ALOX5AP: variants seen among roughly 807,000 people sequenced by gnomAD.
ALOX5AP encodes the protein arachidonate 5-lipoxygenase-activating protein.
A neutral mutation model predicts 18.5 loss-of-function variants in ALOX5AP; 9 were observed. That is an observed-to-expected ratio of 0.49 (90% CI 0.29 to 0.85). ALOX5AP has a LOEUF of 0.85. Among genes scored for constraint, ALOX5AP ranks in the 40% least tolerant of loss-of-function variants. ALOX5AP has a pLI of 0.08. For missense variants in ALOX5AP, 172 were observed against 202.5 expected (o/e 0.85, Z 0.91); for synonymous variants, 81 against 78.6 (o/e 1.03, Z -0.16).
At chr13:30,736,537 T>C (rs2137803203) in intron 1 of ALOX5AP, among the ~76,000 whole-genome samples, 1 of 152,340 alleles carries the variant, frequency 6.6e-6, no homozygotes, top group South Asian at 2.1e-4. Flanking sequence ...GGGCAGCTGC[T>C]GTAGCTTTAT....
At chr13:30,751,884 T>C (rs753253511) in intron 2 of ALOX5AP, among the ~76,000 whole-genome samples, 168 bp from the exon 3 acceptor site, 1 of 152,258 alleles carries the variant, frequency 6.6e-6, no homozygotes, top group Non-Finnish European at 1.5e-5. Context: ...GTTTCCCAGG[T>C]GGCAGCTGGC....
chr13:30,764,197 A>G lies in ALOX5AP; in HGVS notation c.*91A>G. On this transcript the variant is annotated 3_prime_UTR_variant, in exon 5 of 5. Coordinates refer to ENST00000380490, the MANE Select transcript of ALOX5AP (RefSeq NM_001629.4). Reference sequence around the variant, plus strand: ...TCTTGAGAGCATTCTGCTCTTCTTTAGATGGCTGTAAATCTATTGGCCATC... The same window carrying G: ...TCTTGAGAGCATTCTGCTCTTCTTTGGATGGCTGTAAATCTATTGGCCATC... 7.2e-7 allele frequency: 1 copy of G among 1,387,604 alleles called. No homozygotes were observed. The highest frequency in any genetic ancestry group is 9.8e-7 in the Non-Finnish European group (1 of 1,024,618). The allele number at this position is 1,387,604 out of a possible 1,614,324, so 86.0% of individuals were successfully genotyped here.
In ALOX5AP at chr13:30,740,654, GT is replaced by G. The variant is rs1951755648; in HGVS notation, c.71-3405del. On this transcript the variant is annotated intron_variant, in intron 1 of 4. Coordinates refer to ENST00000380490, the MANE Select transcript of ALOX5AP (RefSeq NM_001629.4). ...AAGTTTAGCTTAGAAGGAAGGAGCG[GT>G]AAACCCTAGTTGAATGTTGGACTGA... is the stretch of plus-strand genomic sequence containing the variant. 2.6e-5 allele frequency among the ~76,000 whole-genome samples: 4 copies of G among 152,326 alleles called. No individual in the cohort carries two copies. The South Asian group carries it at 8.3e-4, about 32-fold the overall frequency.
intron 1 of ALOX5AP, among the ~76,000 whole-genome samples, chr13:30,738,740 A>C (rs1469809484): frequency 6.6e-6 from 1 of 152,166 alleles, no homozygotes; most frequent in Non-Finnish European, 1.5e-5. Flanking sequence ...CAGAGGAAGG[A>C]TGTCCTCCCG....
At chr13:30,758,100 G>T (rs1386017922) in intron 4 of ALOX5AP, among the ~76,000 whole-genome samples, 1 of 152,126 alleles carries the variant, frequency 6.6e-6, no homozygotes, top group Non-Finnish European at 1.5e-5. Flanking sequence ...CACAGATACT[G>T]CTTAACACAA....
chr13:30,727,389 G>A (rs1056273021), intron 1 of ALOX5AP, among the ~76,000 whole-genome samples: 20 of 152,118 alleles, frequency 1.3e-4, no homozygotes, highest in African/African-American at 3.4e-4. Context: ...TAAGAGGTGC[G>A]AATGGATGTT....
intron 2 of ALOX5AP, 136 bp downstream of exon 2, chr13:30,744,295 G>A: frequency 1.4e-6 from 1 of 712,674 alleles, no homozygotes; most frequent in Non-Finnish European, 2.4e-6. Context: ...AGGAAGGTTG[G>A]ACTTCACCAG....
At chr13:30,714,130 G>A (rs1951530535) in intron 1 of ALOX5AP, among the ~76,000 whole-genome samples, 1 of 151,042 alleles carries the variant, frequency 6.6e-6, no homozygotes, top group African/African-American at 2.4e-5. Context: ...TACCCCTGGA[G>A]GTAACTCCTA....
At chr13:30,753,974 TCATGCCTGTAATCC>T (rs1179740851) in intron 3 of ALOX5AP, among the ~76,000 whole-genome samples, 5 of 152,202 alleles carry the variant, frequency 3.3e-5, no homozygotes, top group African/African-American at 1.2e-4. Context: ...GCACAGTGGC[TCATGCCTGTAATCC>T]CAGCACTTTG....
chr13:30,735,647 C>G lies in ALOX5AP; in HGVS notation c.42C>G (p.Ile14Met), dbSNP rs11542984. 2.5e-6 allele frequency: 4 copies of G among 1,614,124 alleles called. No homozygotes were observed. In the South Asian group the frequency reaches 4.4e-5, roughly 18 times the overall value. Reference protein sequence around the residue: ...ETVGNVVLLAIVTLISVVQNG... With the variant: ...ETVGNVVLLAMVTLISVVQNG... The stretch of plus-strand genomic sequence containing the variant: ...TAGGCAATGTTGTCCTGTTGGCCAT[C>G]GTCACCCTCATCAGCGTGGTCCAGA... The change falls in exon 1 of 5, where the codon ATC becomes ATG. Residue 14 changes from isoleucine (I) to methionine (M), a missense_variant. Ile to Met is a conservative substitution (Grantham distance 10, BLOSUM62 1). Coordinates refer to ENST00000380490, the MANE Select transcript of ALOX5AP (RefSeq NM_001629.4).
chr13:30,751,021 G>T (rs1187075941), intron 2 of ALOX5AP, among the ~76,000 whole-genome samples: 1 of 152,176 alleles, frequency 6.6e-6, no homozygotes, highest in African/African-American at 2.4e-5. Flanking sequence ...ATAGCCCTTT[G>T]AGATTTATTT....
chr13:30,761,120 G>A (rs543951741), intron 4 of ALOX5AP, among the ~76,000 whole-genome samples: 2 of 152,150 alleles, frequency 1.3e-5, no homozygotes, highest in Admixed American at 6.5e-5. Context: ...GAGACTTAAA[G>A]GTGCAGCTAA....
chr13:30,761,339 C>T (rs1035665333), intron 4 of ALOX5AP, among the ~76,000 whole-genome samples: 1 of 152,240 alleles, frequency 6.6e-6, no homozygotes, highest in Non-Finnish European at 1.5e-5. Context: ...GCTGCCATTT[C>T]ATTTTTCACT....
chr13:30,764,149 C>A lies in ALOX5AP; in HGVS notation c.*43C>A. 1.3e-6 allele frequency: 2 copies of A among 1,574,096 alleles called. No individual in the cohort carries two copies. Among genetic ancestry groups the A allele is most frequent in the Middle Eastern group, 1.7e-4 (1 of 5,904 alleles). The stretch of plus-strand genomic sequence containing the variant: ...GGTTGGTGTTCTCATCTAATCAATA[C>A]CTACAAGTCATCATAATTCAGCTCT... On this transcript the variant is annotated 3_prime_UTR_variant, in exon 5 of 5. Coordinates refer to ENST00000380490, the MANE Select transcript of ALOX5AP (RefSeq NM_001629.4).
upstream of ALOX5AP, among the ~76,000 whole-genome samples, chr13:30,731,285 G>T (rs1485052905): frequency 6.6e-6 from 1 of 152,112 alleles, no homozygotes; most frequent in Non-Finnish European, 1.5e-5. Context: ...CAGCACGTAG[G>T]GTGATTAAAA....
rs1951972365 is a variant in ALOX5AP at position 30,764,334 on chromosome 13, G to A, written c.*228G>A. On this transcript the variant is annotated 3_prime_UTR_variant, in exon 5 of 5. Coordinates refer to ENST00000380490, the MANE Select transcript of ALOX5AP (RefSeq NM_001629.4). Reference sequence around the variant, plus strand: ...CAAATTTGCTATTCCCATGCATTTTGTTTGTTTCTTCACTTATCCTGTTCT... The same window carrying A: ...CAAATTTGCTATTCCCATGCATTTTATTTGTTTCTTCACTTATCCTGTTCT... The A allele has an allele frequency of 2.1e-6, 1 of 481,624 alleles. No individual in the cohort carries two copies. The highest frequency in any genetic ancestry group is 3.6e-6 in the Non-Finnish European group (1 of 274,670). 29.8% of individuals were successfully genotyped at this position (481,624 alleles called of 1,614,324 possible).
chr13:30,744,375 G>A (rs1002766006), intron 2 of ALOX5AP: 2 of 490,798 alleles, frequency 4.1e-6, no homozygotes, highest in Non-Finnish European at 7.5e-6. Context: ...TGGGGATATG[G>A]GGCACATTGG....
chr13:30,757,057 T>C (rs1481138667), intron 4 of ALOX5AP, among the ~76,000 whole-genome samples: 2 of 152,304 alleles, frequency 1.3e-5, no homozygotes, highest in East Asian at 1.9e-4. Context: ...TGCACTAGTA[T>C]GGTTTCAGGT....
At chr13:30,722,750 G>A (rs919362132) in intron 1 of ALOX5AP, among the ~76,000 whole-genome samples, 1 of 152,246 alleles carries the variant, frequency 6.6e-6, no homozygotes, top group African/African-American at 2.4e-5. Flanking sequence ...TAAATGGCTT[G>A]GTGCCGTTCT....
Sources: allele counts gnomAD v4.1 joint callset (sites outside exome capture counted in the v4.1 genomes callset), GRCh38; gene constraint gnomAD v4.1.1; transcripts MANE v1.5; gene names NCBI Gene and HGNC (gene_info 2026-07-23, HGNC 2026-07-21).